Variants in ARHGAP6 observed in about 807,000 individuals in gnomAD.
ARHGAP6 encodes the protein rho GTPase-activating protein 6.
A neutral mutation model predicts 55.7 loss-of-function variants in ARHGAP6; 16 were observed. The observed-to-expected ratio is 0.29, with a 90% CI of 0.19 to 0.44. ARHGAP6 has a LOEUF of 0.44. ARHGAP6 is among the 20% of genes least tolerant of loss of function. The pLI, the probability that ARHGAP6 is intolerant of heterozygous loss-of-function variation, is 1.00. For synonymous variants in ARHGAP6, 382 were observed against 360.9 expected, an observed-to-expected ratio of 1.06 and a Z score of -0.66; for missense variants, 698 against 808.9, an observed-to-expected ratio of 0.86 and a Z score of 1.66.
At chrX:11,500,358 T>C (rs902988568) in intron 1 of ARHGAP6, among the ~76,000 whole-genome samples, 1 of 109,187 alleles carries the variant, frequency 9.2e-6, no homozygotes, top group Non-Finnish European at 1.9e-5. Context: ...TCCCACAACT[T>C]AAGTTTCGGA....
At chrX:11,188,591 C>G (rs1213242389) in intron 4 of ARHGAP6, 137 bp downstream of exon 4, 1 of 943,693 alleles carries the variant, frequency 1.1e-6, no homozygotes, top group Non-Finnish European at 1.4e-6. Flanking sequence ...AGTGCACATT[C>G]TTCATTAATG....
chrX:11,637,732 T>C (rs1394066086), intron 1 of ARHGAP6, among the ~76,000 whole-genome samples: 2 of 108,572 alleles, frequency 1.8e-5, no homozygotes, highest in African/African-American at 6.8e-5. Context: ...GATTTTATCC[T>C]ATCCTCTGAA....
chrX:11,631,470 G>A (rs1316948844), intron 1 of ARHGAP6, among the ~76,000 whole-genome samples: 1 of 109,511 alleles, frequency 9.1e-6, no homozygotes, highest in Admixed American at 9.8e-5. Context: ...AGGTTGCAGT[G>A]AGCCAAGATC....
intron 1 of ARHGAP6, among the ~76,000 whole-genome samples, chrX:11,344,329 G>A (rs111438047): frequency 0.058 from 6,431 of 110,850 alleles, 215 homozygotes; most frequent in African/African-American, 0.12. Context: ...GAGAACCACT[G>A]GTCGGTCCAT....
chrX:11,376,198 C>T (rs2049198801), intron 1 of ARHGAP6, among the ~76,000 whole-genome samples: 2 of 111,997 alleles, frequency 1.8e-5, no homozygotes, highest in African/African-American at 6.5e-5. Flanking sequence ...AGATGGCCTC[C>T]CAAAGATGTC....
chrX:11,212,218 C>CTTTGG (rs1411089166), intron 2 of ARHGAP6, among the ~76,000 whole-genome samples: 1 of 111,852 alleles, frequency 8.9e-6, no homozygotes, highest in African/African-American at 3.2e-5. Context: ...GAGTAATGTT[C>CTTTGG]TTTGGTTTCT....
Position 11,164,134 on chromosome X carries a change from C to T in ARHGAP6, c.1809+5371G>A, listed in dbSNP as rs755083734. On this transcript the variant is annotated intron_variant, in intron 9 of 12. Coordinates refer to ENST00000337414, the MANE Select transcript of ARHGAP6 (RefSeq NM_013427.3). Reference sequence around the variant, plus strand: ...ACTGCTGTTAAAGGTCTTCATTCCTCATTTCCAGATTGGCTAAAACATATT... The same window carrying T: ...ACTGCTGTTAAAGGTCTTCATTCCTTATTTCCAGATTGGCTAAAACATATT... 3.6e-5 allele frequency among the ~76,000 whole-genome samples: 4 copies of T among 112,664 alleles called. No individual in the cohort carries two copies. In the Admixed American group the frequency reaches 3.7e-4, roughly 11 times the overall value.
chrX:11,270,321 C>T (rs2047676483), intron 1 of ARHGAP6, among the ~76,000 whole-genome samples: 1 of 111,745 alleles, frequency 8.9e-6, no homozygotes, highest in Admixed American at 9.5e-5. Flanking sequence ...ACTGGAAGGC[C>T]TCTCTGCAAC....
rs143748078 is a variant in ARHGAP6, at chrX:11,258,055, T to C, written c.589-3348A>G. Among the ~76,000 whole-genome samples the C allele has an allele frequency of 4.9e-3, 549 of 111,402 alleles. 5 individuals carry two copies. Among genetic ancestry groups the C allele is most frequent in the African/African-American group, 0.017 (524 of 30,654 alleles). Reference sequence around the variant, plus strand: ...CCAGATTCTGTAGGGCTGTCTCTGTTGGCAATGCAAACCAGATTAGATTTT... The same window carrying C: ...CCAGATTCTGTAGGGCTGTCTCTGTCGGCAATGCAAACCAGATTAGATTTT... On this transcript the variant is annotated intron_variant, in intron 1 of 12. Coordinates refer to ENST00000337414, the MANE Select transcript of ARHGAP6 (RefSeq NM_013427.3).
intron 1 of ARHGAP6, among the ~76,000 whole-genome samples, chrX:11,615,697 T>C (rs1476328564): frequency 8.9e-6 from 1 of 112,016 alleles, no homozygotes; most frequent in African/African-American, 3.2e-5. Context: ...AGAAAATACA[T>C]CAGTACTGAA....
intron 2 of ARHGAP6, among the ~76,000 whole-genome samples, chrX:11,206,699 C>T (rs2046709578): frequency 9.0e-6 from 1 of 111,331 alleles, no homozygotes; most frequent in South Asian, 3.8e-4. Flanking sequence ...CAAGAAGCAG[C>T]TCATTAAAAG....
chrX:11,350,587 T>A (rs2048849850), intron 1 of ARHGAP6, among the ~76,000 whole-genome samples: 1 of 112,442 alleles, frequency 8.9e-6, no homozygotes, highest in South Asian at 3.7e-4. Flanking sequence ...TTCATATACA[T>A]TTTAGTTGAT....
At chrX:11,295,927 C>A (rs887180074) in intron 1 of ARHGAP6, among the ~76,000 whole-genome samples, 3 of 112,008 alleles carry the variant, frequency 2.7e-5, no homozygotes, top group Non-Finnish European at 5.6e-5. Context: ...GGACCCCAGG[C>A]ACAACCAGAG....
chrX:11,608,489 G>C (rs1452623173), intron 1 of ARHGAP6, among the ~76,000 whole-genome samples: 1 of 110,714 alleles, frequency 9.0e-6, no homozygotes, highest in Non-Finnish European at 1.9e-5. Flanking sequence ...TGAAGCATGA[G>C]GCTTTTGGAG....
chrX:11,357,366 T>C (rs192446759), intron 1 of ARHGAP6, among the ~76,000 whole-genome samples: 3 of 111,964 alleles, frequency 2.7e-5, no homozygotes, highest in African/African-American at 6.5e-5. Flanking sequence ...TCCAAAGCAA[T>C]GAGGATGGAA....
chrX:11,311,131 A>G (rs957072010), intron 1 of ARHGAP6, among the ~76,000 whole-genome samples: 3 of 111,371 alleles, frequency 2.7e-5, no homozygotes, highest in African/African-American at 9.8e-5. Context: ...GCCATTGTGC[A>G]TTTTCACTAT....
chrX:11,193,920 C>T (rs2046497308), intron 3 of ARHGAP6, among the ~76,000 whole-genome samples: 1 of 112,672 alleles, frequency 8.9e-6, no homozygotes, highest in African/African-American at 3.2e-5. Context: ...GAACCTCCTG[C>T]AAAAATGCTC....
chrX:11,469,760 C>A (rs955636691), intron 1 of ARHGAP6, among the ~76,000 whole-genome samples: 1 of 111,251 alleles, frequency 9.0e-6, no homozygotes, highest in Non-Finnish European at 1.9e-5. Flanking sequence ...AAAAGCCTAT[C>A]CCAATGTCAT....
intron 2 of ARHGAP6, among the ~76,000 whole-genome samples, chrX:11,201,688 T>C (rs754438487): frequency 4.5e-5 from 5 of 112,077 alleles, no homozygotes; most frequent in Non-Finnish European, 7.5e-5. Context: ...AAACACTACC[T>C]TCTTCACATG....
Sources: gnomAD v4.1 joint callset for allele counts (sites outside exome capture counted in the v4.1 genomes callset) on GRCh38, gnomAD v4.1.1 for gene constraint, MANE v1.5 for transcripts, NCBI Gene and HGNC (gene_info 2026-07-23, HGNC 2026-07-21) for gene names.